Variants in ASTN1 observed in about 807,000 individuals in gnomAD.
ASTN1 encodes astrotactin 1.
A neutral mutation model predicts 140.7 loss-of-function variants in ASTN1; 41 were observed. The ratio of observed to expected loss-of-function variants is 0.29; its 90% confidence interval spans 0.23 to 0.38. The LOEUF is 0.38. ASTN1 is among the 10% of genes least tolerant of loss of function. The probability of loss-of-function intolerance (pLI) is 1.00; values close to 1 mark genes in which losing one functional copy is unlikely to be tolerated. For missense variants in ASTN1, 1,479 were observed against 1,678.8 expected (o/e 0.88, Z 2.08); for synonymous variants, 640 against 652.2 (o/e 0.98, Z 0.29).
chr1:177,119,665 T>C (rs1003435142), intron 1 of ASTN1, among the ~76,000 whole-genome samples: 1 of 152,180 alleles, frequency 6.6e-6, no homozygotes, highest in Non-Finnish European at 1.5e-5. Flanking sequence ...TGGGAGAGAT[T>C]TTTCCTAGGA....
rs554787954 is a variant in ASTN1, at chr1:177,008,289, C to T, written c.1523+6502G>A. Among the ~76,000 whole-genome samples, 10 of 152,134 alleles carry T rather than the reference C, an allele frequency of 6.6e-5. No individual in the cohort carries two copies. In the East Asian group the frequency reaches 1.5e-3, roughly 24 times the overall value. On this transcript the variant is annotated intron_variant, in intron 8 of 22. Transcript: ENST00000361833. ...GAACTTTAGGTTTAATTCCAAGAGC[C>T]CCTTTGGTCTGTTGGACACAGAAAA...
chr1:176,924,667 A>G (rs887164473), intron 16 of ASTN1, among the ~76,000 whole-genome samples: 4 of 152,212 alleles, frequency 2.6e-5, no homozygotes, highest in Non-Finnish European at 5.9e-5. Context: ...AGCCCATCCC[A>G]GGAAGCAATC....
chr1:176,960,331 G>T (rs531618575), intron 9 of ASTN1, among the ~76,000 whole-genome samples: 1 of 152,276 alleles, frequency 6.6e-6, no homozygotes, highest in South Asian at 2.1e-4. Context: ...GGAGGAGGCA[G>T]CTTATTGAAC....
chr1:177,041,813 T>C (rs2101995086), intron 2 of ASTN1, among the ~76,000 whole-genome samples: 1 of 152,222 alleles, frequency 6.6e-6, no homozygotes, highest in East Asian at 1.9e-4. Flanking sequence ...TTCTCCCATT[T>C]CCTCAAAGTC....
chr1:177,014,751 G>A (rs545165950), intron 8 of ASTN1, 40 bp downstream of exon 8: 2 of 1,546,030 alleles, frequency 1.3e-6, no homozygotes, highest in South Asian at 1.1e-5. Context: ...AAGGAGCAGT[G>A]ATATGTGGGA....
At chr1:177,139,873 T>G (rs1558123711) in intron 1 of ASTN1, among the ~76,000 whole-genome samples, 1 of 152,150 alleles carries the variant, frequency 6.6e-6, no homozygotes, top group Non-Finnish European at 1.5e-5. Context: ...CTTTCTTTAT[T>G]AGGGTATTTT....
intron 1 of ASTN1, among the ~76,000 whole-genome samples, chr1:177,076,842 G>A (rs999103833): frequency 2.6e-5 from 4 of 152,080 alleles, no homozygotes; most frequent in East Asian, 1.9e-4. Flanking sequence ...CTGAGACTGC[G>A]TTATAGATGA....
rs368774097 is a variant in ASTN1 at position 177,033,893 on chromosome 1, G to T, written c.472-1044C>A. ...TAGAGGGACAGCCTTTAAGCTTGGT[G>T]CTGCATGGCACTCGGTGGGCATAAA... On this transcript the variant is annotated intron_variant, in intron 2 of 22. Coordinates refer to ENST00000361833, the MANE Select transcript of ASTN1 (RefSeq NM_004319.3). 1.2e-4 allele frequency among the ~76,000 whole-genome samples: 18 copies of T among 152,270 alleles called. No homozygotes were observed. The South Asian group carries it at 3.3e-3, about 28-fold the overall frequency.
At chr1:176,926,024 G>T (rs1461828523) in intron 16 of ASTN1, among the ~76,000 whole-genome samples, 1 of 151,972 alleles carries the variant, frequency 6.6e-6, no homozygotes, top group Non-Finnish European at 1.5e-5. Context: ...AGCCAGGATG[G>T]TCTCGATCTT....
intron 15 of ASTN1, among the ~76,000 whole-genome samples, chr1:176,935,534 A>T (rs1671404913): frequency 6.6e-6 from 1 of 152,150 alleles, no homozygotes; most frequent in South Asian, 2.1e-4. Context: ...AATGTGCTAT[A>T]TCCTCAATGC....
Position 177,164,534 on chromosome 1 carries a change from A to G in ASTN1, c.143T>C (p.Leu48Pro), listed in dbSNP as rs146176432. ...CATGATGCTCAGGTCGTTCTCGCGCAGGAAGGGCAGTGCCGACACCGTGAT... is the reference window on the plus strand; with the variant it reads ...CATGATGCTCAGGTCGTTCTCGCGCGGGAAGGGCAGTGCCGACACCGTGAT... ...KSITVSALPF[L>P]RENDLSIMHS... is the part of the protein sequence containing the mutation. Residue 48 changes from leucine to proline, a missense_variant, in exon 1 of 23, where the codon CTG (leucine) becomes CCG (proline). Coordinates refer to ENST00000361833, the MANE Select transcript of ASTN1 (RefSeq NM_004319.3). The G allele has an allele frequency of 6.2e-7, 1 of 1,613,512 alleles. No individual in the cohort carries two copies. Among genetic ancestry groups the G allele is most frequent in the Non-Finnish European group, 8.5e-7 (1 of 1,179,880 alleles).
At chr1:176,934,078 G>T in intron 16 of ASTN1, 74 bp downstream of exon 16, 1 of 1,404,500 alleles carries the variant, frequency 7.1e-7, no homozygotes, top group Non-Finnish European at 9.6e-7. Flanking sequence ...TCCTTAAAAT[G>T]GGTCTTATAG....
chr1:176,934,472 G>C, intron 15 of ASTN1, 132 bp from the exon 16 acceptor site: 1 of 841,438 alleles, frequency 1.2e-6, no homozygotes, highest in Admixed American at 3.0e-5. Context: ...AGCTAGAAGT[G>C]TCTGGTGAAT....
intron 11 of ASTN1, among the ~76,000 whole-genome samples, chr1:176,957,455 A>G (rs1460650712): frequency 2.0e-5 from 3 of 152,154 alleles, no homozygotes; most frequent in Non-Finnish European, 4.4e-5. Context: ...TTTTTCTTGA[A>G]TAGTTATAGT....
intron 1 of ASTN1, among the ~76,000 whole-genome samples, chr1:177,071,873 T>A (rs948308178): frequency 5.3e-5 from 8 of 151,926 alleles, no homozygotes; most frequent in East Asian, 3.9e-4. Context: ...GAAAGTGGAG[T>A]GTAGAGGGAA....
At chr1:176,900,932 C>T (rs1465746123) in intron 16 of ASTN1, among the ~76,000 whole-genome samples, 1 of 152,180 alleles carries the variant, frequency 6.6e-6, no homozygotes, top group African/African-American at 2.4e-5. Flanking sequence ...ATATGTAATA[C>T]ACACTAATGT....
chr1:176,977,268 T>C (rs1356954854), intron 8 of ASTN1, among the ~76,000 whole-genome samples: 1 of 152,260 alleles, frequency 6.6e-6, no homozygotes, highest in African/African-American at 2.4e-5. Context: ...TTAGCAAGTT[T>C]CACTATTAAT....
At chr1:177,112,407 C>G (rs753051778) in intron 1 of ASTN1, among the ~76,000 whole-genome samples, 1 of 152,188 alleles carries the variant, frequency 6.6e-6, no homozygotes, top group African/African-American at 2.4e-5. Context: ...CTGGTGGAGG[C>G]TCTGCCTGCC....
In ASTN1 at chr1:177,032,783, A is replaced by C; in HGVS notation, c.538T>G (p.Trp180Gly). 2 of 1,613,054 alleles carry C rather than the reference A, an allele frequency of 1.2e-6. No homozygotes were observed. The highest frequency in any genetic ancestry group is 1.7e-6 in the Non-Finnish European group (2 of 1,180,004). The part of the protein sequence containing the change: ...LVMILYTRRR[W>G]CKRRRVPQPQ... ...TGCGGGACCCGGCGGCGTTTGCACC[A>C]GCGCCGGCGAGTATACAGGATCATC... Residue 180 changes from tryptophan to glycine, a missense_variant, in exon 3 of 23, where the codon TGG becomes GGG. Trp to Gly is a radical substitution (Grantham distance 184). This residue lies in a region of ASTN1 where 729 missense variants were observed against 860.4 expected (regional missense o/e 0.85). Coordinates refer to ENST00000361833, the MANE Select transcript of ASTN1 (RefSeq NM_004319.3).
Sources: gnomAD v4.1 joint callset for allele counts (sites outside exome capture counted in the v4.1 genomes callset) on GRCh38, gnomAD v4.1.1 for gene constraint, gnomAD v4.1.1 regional missense constraint, MANE v1.5 for transcripts, NCBI Gene and HGNC (gene_info 2026-07-23, HGNC 2026-07-21) for gene names.